CALD1: variants seen among roughly 807,000 people sequenced by gnomAD.
The protein encoded by CALD1 is caldesmon.
Under a neutral mutation model 99.9 loss-of-function variants are expected in CALD1, and 33 were observed. That is an observed-to-expected ratio of 0.33 (90% CI 0.25 to 0.44). The LOEUF (loss-of-function observed/expected upper bound fraction) is 0.44. Among genes scored for constraint, CALD1 ranks in the 20% least tolerant of loss-of-function variants. The pLI, the probability that CALD1 is intolerant of heterozygous loss-of-function variation, is 1.00. For missense variants in CALD1, 861 were observed against 962.1 expected, an observed-to-expected ratio of 0.89 and a Z score of 1.39; for synonymous variants, 310 against 325.0, an observed-to-expected ratio of 0.95 and a Z score of 0.50.
At chr7:134,844,405 A>C (rs1799770345) in intron 2 of CALD1, 1 of 152,098 alleles carries the variant, frequency 6.6e-6, no homozygotes, top group South Asian at 2.1e-4. Context: ...ACTTTCAACA[A>C]ATCTCTCTCA....
At chr7:134,769,938 A>T (rs1585904939) in intron 1 of CALD1, among the ~76,000 whole-genome samples, 1 of 152,242 alleles carries the variant, frequency 6.6e-6, no homozygotes, top group South Asian at 2.1e-4. Flanking sequence ...ATGTTCTGCC[A>T]ATAGTCTAGA....
At chr7:134,840,189 C>T (rs1353281785) in intron 1 of CALD1, among the ~76,000 whole-genome samples, 1 of 152,162 alleles carries the variant, frequency 6.6e-6, no homozygotes, top group African/African-American at 2.4e-5. Context: ...TTTAGATCCA[C>T]AATCAATCTG....
intron 2 of CALD1, among the ~76,000 whole-genome samples, chr7:134,855,920 T>G (rs538988220): frequency 6.6e-6 from 1 of 152,226 alleles, no homozygotes; most frequent in African/African-American, 2.4e-5. Context: ...AAGTCCTTGA[T>G]TACAAGTATT....
chr7:134,856,732 C>T (rs1457331549), intron 2 of CALD1, among the ~76,000 whole-genome samples: 2 of 152,106 alleles, frequency 1.3e-5, no homozygotes, highest in African/African-American at 4.8e-5. Context: ...AAGTTCTTTT[C>T]CACTAGAGAA....
intron 1 of CALD1, among the ~76,000 whole-genome samples, chr7:134,797,448 A>C (rs971697491): frequency 2.6e-5 from 4 of 152,244 alleles, no homozygotes; most frequent in African/African-American, 9.6e-5. Context: ...GCTTTGTAAT[A>C]TCTGTGATTT....
intron 3 of CALD1, among the ~76,000 whole-genome samples, chr7:134,924,117 AG>A (rs1329259733): frequency 6.6e-6 from 1 of 152,236 alleles, no homozygotes; most frequent in Non-Finnish European, 1.5e-5. Flanking sequence ...GTCATAAACA[AG>A]GTAAATTAAA....
At chr7:134,835,534 T>C (rs970909351) in intron 1 of CALD1, among the ~76,000 whole-genome samples, 1 of 152,228 alleles carries the variant, frequency 6.6e-6, no homozygotes, top group Non-Finnish European at 1.5e-5. Flanking sequence ...GTTTTAAGCA[T>C]ACTTTAAACA....
At chr7:134,888,838 C>T (rs1802005513) in intron 3 of CALD1, among the ~76,000 whole-genome samples, 1 of 152,176 alleles carries the variant, frequency 6.6e-6, no homozygotes, top group Non-Finnish European at 1.5e-5. Flanking sequence ...CCTCTTTTGG[C>T]AATTAGGGAA....
intron 3 of CALD1, among the ~76,000 whole-genome samples, chr7:134,877,634 A>G (rs1801413458): frequency 6.6e-6 from 1 of 152,152 alleles, no homozygotes; most frequent in Non-Finnish European, 1.5e-5. Context: ...CCTTGTCATC[A>G]TTTCTGAACA....
At chr7:134,782,156 G>A (rs1288889338) in intron 1 of CALD1, among the ~76,000 whole-genome samples, 27 of 152,164 alleles carry the variant, frequency 1.8e-4, no homozygotes, top group Non-Finnish European at 1.5e-5. Flanking sequence ...TCATTCCTTA[G>A]CAAGACGCAA....
intron 2 of CALD1, among the ~76,000 whole-genome samples, chr7:134,866,689 G>A (rs978012489): frequency 6.6e-6 from 1 of 152,102 alleles, no homozygotes; most frequent in Non-Finnish European, 1.5e-5. Context: ...CAAATGGCTC[G>A]TCTCATGTGC....
intron 3 of CALD1, among the ~76,000 whole-genome samples, chr7:134,880,220 C>T (rs1801533146): frequency 6.6e-6 from 1 of 152,082 alleles, no homozygotes; most frequent in African/African-American, 2.4e-5. Context: ...TGGGGCTCTC[C>T]AAATAAAAGC....
chr7:134,754,029 CT>C lies in CALD1; in HGVS notation c.-130+9667del, dbSNP rs1446800915. 2.6e-5 allele frequency among the ~76,000 whole-genome samples: 4 copies of C among 152,284 alleles called. 1 individual carries two copies. In the South Asian group the frequency reaches 8.3e-4, roughly 32 times the overall value. ...GCTGGGGACATCTCCACAGGCAGCC[CT>C]GACCATATTTGTTTAACACGTAACT... is the stretch of plus-strand genomic sequence containing the variant. On this transcript the variant is annotated intron_variant, in intron 1 of 13. Coordinates refer to the CALD1 transcript ENST00000417172.
At chr7:134,941,881 T>A (rs534099056) in intron 7 of CALD1, among the ~76,000 whole-genome samples, 7 of 152,170 alleles carry the variant, frequency 4.6e-5, no homozygotes, top group African/African-American at 1.4e-4. Flanking sequence ...CTCAACATAA[T>A]CCCTTACCCC....
chr7:134,793,294 G>A (rs907712662), intron 1 of CALD1, among the ~76,000 whole-genome samples: 3 of 152,204 alleles, frequency 2.0e-5, no homozygotes, highest in Non-Finnish European at 4.4e-5. Context: ...CCAGACACAA[G>A]GAAAAATATT....
At chr7:134,932,761 G>A (rs1031796276) in intron 4 of CALD1, among the ~76,000 whole-genome samples, 12 of 152,178 alleles carry the variant, frequency 7.9e-5, no homozygotes, top group Non-Finnish European at 1.5e-4. Flanking sequence ...CATTAATACC[G>A]AAAGCACTTC....
intron 3 of CALD1, among the ~76,000 whole-genome samples, chr7:134,927,459 G>A (rs2132884425): frequency 6.7e-6 from 1 of 148,890 alleles, no homozygotes; most frequent in South Asian, 2.1e-4. Context: ...GGCTGAGGTG[G>A]GACAATTGCT....
intron 6 of CALD1, among the ~76,000 whole-genome samples, chr7:134,938,479 G>A (rs146052903): frequency 9.2e-5 from 14 of 152,204 alleles, no homozygotes; most frequent in African/African-American, 3.4e-4. Context: ...GTATGCTAAT[G>A]TTATCTGTGT....
intron 3 of CALD1, among the ~76,000 whole-genome samples, chr7:134,885,790 G>C (rs1055437898): frequency 6.6e-6 from 1 of 151,972 alleles, no homozygotes. Context: ...CTTATGGGTA[G>C]AAATCACATT....
Sources: allele counts gnomAD v4.1 joint callset (sites outside exome capture counted in the v4.1 genomes callset), GRCh38; gene constraint gnomAD v4.1.1; transcripts MANE v1.5; gene names NCBI Gene and HGNC (gene_info 2026-07-23, HGNC 2026-07-21).